The following PIGN variants were observed in gnomAD, a reference collection of about 807,000 sequenced individuals.
The protein encoded by PIGN is phosphatidylinositol glycan anchor biosynthesis class N.
Under a neutral mutation model 125.4 loss-of-function variants are expected in PIGN, and 117 were observed. That is an observed-to-expected ratio of 0.93 (90% confidence interval 0.80 to 1.09). PIGN has a LOEUF of 1.09. PIGN is among the 50% of genes least tolerant of loss of function. The pLI is 0.00. For synonymous variants in PIGN, 392 were observed against 377.8 expected, an observed-to-expected ratio of 1.04 and a Z score of -0.44; for missense variants, 1,075 against 1,094.9, an observed-to-expected ratio of 0.98 and a Z score of 0.26.
chr18:62,162,898 G>A (rs1246231381), intron 2 of PIGN, among the ~76,000 whole-genome samples: 1 of 152,010 alleles, frequency 6.6e-6, no homozygotes, highest in Non-Finnish European at 1.5e-5. Flanking sequence ...TTATCAATAT[G>A]AATGTAAAAT....
At chr18:62,032,281 C>T (rs1289114048) in intron 23 of PIGN, among the ~76,000 whole-genome samples, 1 of 152,194 alleles carries the variant, frequency 6.6e-6, no homozygotes, top group Non-Finnish European at 1.5e-5. Context: ...ACTTCCATGT[C>T]TTTGCAAACT....
chr18:62,051,439 T>C (rs964556232), intron 30 of PIGN, among the ~76,000 whole-genome samples: 3 of 152,288 alleles, frequency 2.0e-5, no homozygotes, highest in African/African-American at 4.8e-5. Context: ...GGAGGGTGTA[T>C]GTGTCGAGGA....
chr18:62,084,056 G>C (rs2033575138), intron 27 of PIGN, among the ~76,000 whole-genome samples: 1 of 152,318 alleles, frequency 6.6e-6, no homozygotes, highest in Admixed American at 6.5e-5. Flanking sequence ...CCCCTGGAAA[G>C]CTGAAAATGG....
intron 14 of PIGN, among the ~76,000 whole-genome samples, chr18:62,127,647 A>G (rs2035583498): frequency 6.6e-6 from 1 of 151,688 alleles, no homozygotes; most frequent in Admixed American, 6.6e-5. Flanking sequence ...AGACCTTATC[A>G]TTTGCTTGAA....
At chr18:62,100,746 T>C (rs1165933290) in intron 22 of PIGN, among the ~76,000 whole-genome samples, 1 of 152,196 alleles carries the variant, frequency 6.6e-6, no homozygotes, top group African/African-American at 2.4e-5. Context: ...GAACAGAGAA[T>C]TTATGAATTG....
At chr18:62,126,650 C>T (rs1438104630) in intron 14 of PIGN, among the ~76,000 whole-genome samples, 1 of 152,148 alleles carries the variant, frequency 6.6e-6, no homozygotes, top group Non-Finnish European at 1.5e-5. Flanking sequence ...ATTCCAGCCT[C>T]TAGTATCCTT....
At chr18:62,140,366 T>G in intron 12 of PIGN, 54 bp downstream of exon 12, 1 of 774,866 alleles carries the variant, frequency 1.3e-6, no homozygotes, top group Non-Finnish European at 2.1e-6. Flanking sequence ...TACATTTTAC[T>G]GTGCGATAGT....
At position 62,157,238 on chromosome 18, in the gene PIGN, C is replaced by A; in HGVS notation, c.344-11G>T. 1 of 1,468,588 alleles carries A rather than the reference C, an allele frequency of 6.8e-7. No homozygotes were observed. Among genetic ancestry groups the A allele is most frequent in the South Asian group, 1.2e-5 (1 of 85,604 alleles). 91.0% of individuals were successfully genotyped at this position (1,468,588 alleles called of 1,614,324 possible). A position where few individuals can be genotyped will look rare whatever the true frequency, so the allele number is the denominator to read the frequency against. Reference sequence around the variant, plus strand: ...GATTTTCCTTCCATCCTTCAGAAAGCAAGCAAGCAGTAATAGTTATATACA... The same window carrying A: ...GATTTTCCTTCCATCCTTCAGAAAGAAAGCAAGCAGTAATAGTTATATACA... On this transcript the variant is annotated splice_polypyrimidine_tract_variant and intron_variant, in intron 5 of 30. Coordinates refer to ENST00000640252, the MANE Select transcript of PIGN (RefSeq NM_176787.5).
At chr18:62,076,320 G>A (rs544098764) in intron 28 of PIGN, among the ~76,000 whole-genome samples, 1 of 152,222 alleles carries the variant, frequency 6.6e-6, no homozygotes, top group East Asian at 1.9e-4. Context: ...ATCTTCTTCA[G>A]GTGTTTTGCT....
At chr18:62,182,110 T>C (rs2037738892) in intron 1 of PIGN, among the ~76,000 whole-genome samples, 2 of 152,206 alleles carry the variant, frequency 1.3e-5, no homozygotes, top group South Asian at 4.1e-4. Context: ...CTGACCAATG[T>C]TGAACAGTCT....
chr18:62,019,153 G>C (rs1029884502), intron 23 of PIGN, among the ~76,000 whole-genome samples: 2 of 152,152 alleles, frequency 1.3e-5, no homozygotes, highest in Non-Finnish European at 2.9e-5. Context: ...AGGCTGCAGT[G>C]AGCTATGATT....
intron 25 of PIGN, 40 bp downstream of exon 25, chr18:62,088,716 G>A (rs1301606976): frequency 9.6e-7 from 1 of 1,037,182 alleles, no homozygotes; most frequent in Non-Finnish European, 1.5e-6. Context: ...CATTAAGTGG[G>A]AGTTGCAGCT....
chr18:62,076,476 TC>T (rs2033179181), intron 28 of PIGN, among the ~76,000 whole-genome samples: 1 of 152,130 alleles, frequency 6.6e-6, no homozygotes, highest in African/African-American at 2.4e-5. Context: ...CTAGAGTCTT[TC>T]ACAGAGCAAA....
intron 6 of PIGN, among the ~76,000 whole-genome samples, chr18:62,156,270 T>C (rs911131202): frequency 6.6e-6 from 1 of 152,226 alleles, no homozygotes; most frequent in African/African-American, 2.4e-5. Flanking sequence ...ATATATCAAA[T>C]GCCAGAATAT....
At chr18:62,084,840 G>A (rs1012381509) in intron 26 of PIGN, among the ~76,000 whole-genome samples, 2 of 152,218 alleles carry the variant, frequency 1.3e-5, no homozygotes, top group African/African-American at 4.8e-5. Context: ...GGGTGCCGTG[G>A]CTCACGCCTG....
chr18:62,133,634 C>T (rs1374426501), intron 14 of PIGN, among the ~76,000 whole-genome samples: 1 of 152,040 alleles, frequency 6.6e-6, no homozygotes, highest in Non-Finnish European at 1.5e-5. Context: ...CTGTTATGTC[C>T]TTAATAAAAT....
At chr18:62,090,434 T>C in intron 24 of PIGN, 42 bp downstream of exon 24, 2 of 1,137,314 alleles carry the variant, frequency 1.8e-6, no homozygotes, top group Non-Finnish European at 2.6e-6. Flanking sequence ...GGATAGAGAC[T>C]AATAGTCTCA....
At chr18:62,038,604 G>A (rs148208226), downstream of PIGN, among the ~76,000 whole-genome samples, 1,416 of 152,246 alleles carry the variant, frequency 9.3e-3, 23 homozygotes, top group Non-Finnish European at 0.013. Flanking sequence ...CAAAGGCACA[G>A]CTGACCACTA....
rs576770326 is a variant in PIGN, at chr18:62,021,497, T to C, written c.2143-3756A>G. ...TTCTCTGAGCTGCAGTCCCACTGGG[T>C]GACATGAAAAGGGCCAAGTGTTGCT... On this transcript the variant is annotated intron_variant, in intron 23 of 24. Coordinates refer to the PIGN transcript ENST00000639600. 1.4e-3 allele frequency among the ~76,000 whole-genome samples: 219 copies of C among 152,238 alleles called. 2 individuals carry two copies. The highest frequency in any genetic ancestry group is 4.7e-4 in the Non-Finnish European group (32 of 68,008).
Sources: gnomAD v4.1 joint callset for allele counts (sites outside exome capture counted in the v4.1 genomes callset) on GRCh38, gnomAD v4.1.1 for gene constraint, MANE v1.5 for transcripts, NCBI Gene and HGNC (gene_info 2026-07-23, HGNC 2026-07-21) for gene names.